The following ASPH variants were observed in gnomAD, a reference collection of about 807,000 sequenced individuals.
ASPH encodes aspartyl/asparaginyl beta-hydroxylase.
Under a neutral mutation model 118.4 loss-of-function variants are expected in ASPH, and 100 were observed. The ratio of observed to expected loss-of-function variants is 0.84; its 90% CI spans 0.72 to 1.00. ASPH has a LOEUF of 1.00. Among genes scored for constraint, ASPH ranks in the 50% least tolerant of loss-of-function variants. The pLI, the probability that ASPH is intolerant of heterozygous loss-of-function variation, is 0.00. For missense variants in ASPH, 920 were observed against 919.5 expected, an observed-to-expected ratio of 1.00 and a Z score of -0.01; for synonymous variants, 315 against 325.6, an observed-to-expected ratio of 0.97 and a Z score of 0.35.
At chr8:61,713,821 A>G (rs1315911145) in intron 1 of ASPH, among the ~76,000 whole-genome samples, 1 of 150,950 alleles carries the variant, frequency 6.6e-6, no homozygotes, top group Non-Finnish European at 1.5e-5. Flanking sequence ...CGGCGCCCCC[A>G]TTTTCACCTC....
At chr8:61,505,157 C>T (rs1805966436) in intron 24 of ASPH, among the ~76,000 whole-genome samples, 1 of 149,228 alleles carries the variant, frequency 6.7e-6, no homozygotes, top group South Asian at 2.1e-4. Flanking sequence ...ATCAGGGGTT[C>T]CCGCTTTTGC....
chr8:61,518,223 A>C, intron 22 of ASPH, 100 bp from the exon 23 acceptor site: 2 of 962,830 alleles, frequency 2.1e-6, no homozygotes, highest in Non-Finnish European at 3.1e-6. Flanking sequence ...CACTGCAGGA[A>C]TGAGAAGATT....
intron 8 of ASPH, 75 bp from the exon 9 acceptor site, chr8:61,643,508 A>G (rs1806298252): frequency 7.2e-7 from 1 of 1,393,018 alleles, no homozygotes. Flanking sequence ...TAGGAGATTC[A>G]TAAATTAATT....
At chr8:61,642,636 C>A (rs540995640) in intron 10 of ASPH, among the ~76,000 whole-genome samples, 1 of 151,980 alleles carries the variant, frequency 6.6e-6, no homozygotes, top group East Asian at 1.9e-4. Context: ...GAGGCCAAGG[C>A]GGGAGGATCA....
intron 15 of ASPH, chr8:61,579,614 G>T: frequency 6.6e-7 from 1 of 1,523,094 alleles, no homozygotes; most frequent in Non-Finnish European, 9.0e-7. Flanking sequence ...TTGTGAAGAA[G>T]ATCGAGACAT....
chr8:61,593,655 G>A (rs1439782723), intron 14 of ASPH, among the ~76,000 whole-genome samples: 1 of 152,104 alleles, frequency 6.6e-6, no homozygotes, highest in Non-Finnish European at 1.5e-5. Flanking sequence ...CCTTCCCATA[G>A]GGTTATTTTT....
chr8:61,608,349 G>C (rs1846213552), intron 14 of ASPH, among the ~76,000 whole-genome samples: 2 of 152,158 alleles, frequency 1.3e-5, no homozygotes. Context: ...TCTCCGCCAA[G>C]ATTCAGGCAG....
At chr8:61,550,442 T>TACACACACACACACACACAC (rs34577657) in intron 20 of ASPH, among the ~76,000 whole-genome samples, 2,088 of 147,634 alleles carry the variant, frequency 0.014, 28 homozygotes, top group East Asian at 0.049. Flanking sequence ...CACATGTACA[T>TACACACACACACACACACAC]ACACACACAC....
chr8:61,548,615 T>A (rs181156417), intron 20 of ASPH, among the ~76,000 whole-genome samples: 13 of 152,342 alleles, frequency 8.5e-5, no homozygotes, highest in Admixed American at 5.2e-4. Context: ...TCAAAGATAT[T>A]TGCATTTACT....
chr8:61,514,835 G>T (rs1810273942), intron 24 of ASPH, among the ~76,000 whole-genome samples: 2 of 152,004 alleles, frequency 1.3e-5, no homozygotes, highest in South Asian at 4.2e-4. Flanking sequence ...CAAAGTTCTG[G>T]GATTATAGGC....
chr8:61,641,868 C>A (rs1449496462), intron 10 of ASPH, among the ~76,000 whole-genome samples: 1 of 152,204 alleles, frequency 6.6e-6, no homozygotes, highest in Non-Finnish European at 1.5e-5. Context: ...TTGCTTTACA[C>A]ATAAAGTTAT....
chr8:61,584,893 T>C (rs1838865559), intron 14 of ASPH, among the ~76,000 whole-genome samples: 1 of 152,158 alleles, frequency 6.6e-6, no homozygotes, highest in African/African-American at 2.4e-5. Context: ...CCTTCAACAA[T>C]AAGTTCAAAA....
At chr8:61,610,255 G>T (rs1372571993) in intron 14 of ASPH, among the ~76,000 whole-genome samples, 1 of 152,196 alleles carries the variant, frequency 6.6e-6, no homozygotes, top group African/African-American at 2.4e-5. Context: ...TTTGACTGAA[G>T]ATGCACTCTG....
At chr8:61,567,388 T>C (rs544318172) in intron 16 of ASPH, 70 bp from the exon 17 acceptor site, 8 of 1,451,368 alleles carry the variant, frequency 5.5e-6, no homozygotes, top group Non-Finnish European at 7.4e-6. Flanking sequence ...AAAATATTCA[T>C]AAAAAGTTAA....
At chr8:61,555,214 A>T (rs1372567987) in intron 19 of ASPH, among the ~76,000 whole-genome samples, 1 of 152,178 alleles carries the variant, frequency 6.6e-6, no homozygotes, top group East Asian at 1.9e-4. Context: ...ATATATAATT[A>T]ACTTGTAAAA....
At chr8:61,616,242 C>T (rs1372579382) in intron 14 of ASPH, among the ~76,000 whole-genome samples, 19 of 152,138 alleles carry the variant, frequency 1.2e-4, no homozygotes, top group Non-Finnish European at 4.4e-5. Context: ...GGATCAGCAT[C>T]CCTGGAGGTC....
chr8:61,610,104 A>G (rs1456862001), intron 14 of ASPH, among the ~76,000 whole-genome samples: 1 of 152,142 alleles, frequency 6.6e-6, no homozygotes, highest in Non-Finnish European at 1.5e-5. Context: ...TTTTTCCTTA[A>G]GAAAAGTATT....
Position 61,714,559 on chromosome 8 carries a change from G to T in ASPH, c.-188C>A. The T allele has an allele frequency of 1.1e-6, 1 of 898,908 alleles. No homozygotes were observed. Among genetic ancestry groups the T allele is most frequent in the Non-Finnish European group, 1.5e-6 (1 of 673,662 alleles). The allele number at this position is 898,908 out of a possible 1,614,324, so 55.7% of individuals were successfully genotyped here. A position where few individuals can be genotyped will look rare whatever the true frequency, so the allele number is the denominator to read the frequency against. ...AAGACTTCACCCGCCTGCCGGCTGCGCGCGCCCGGCCTCGCGTGTACGAAC... is the reference window on the plus strand; with the variant it reads ...AAGACTTCACCCGCCTGCCGGCTGCTCGCGCCCGGCCTCGCGTGTACGAAC... On this transcript the variant is annotated 5_prime_UTR_variant, in exon 1 of 25. Coordinates refer to ENST00000379454, the MANE Select transcript of ASPH (RefSeq NM_004318.4).
chr8:61,540,950 A>G (rs1821647286), intron 21 of ASPH, among the ~76,000 whole-genome samples: 1 of 144,238 alleles, frequency 6.9e-6, no homozygotes, highest in South Asian at 2.1e-4. Flanking sequence ...ATAAGAATTG[A>G]AAAAAAAATT....
Sources: allele counts gnomAD v4.1 joint callset (sites outside exome capture counted in the v4.1 genomes callset), GRCh38; gene constraint gnomAD v4.1.1; transcripts MANE v1.5; gene names NCBI Gene and HGNC (gene_info 2026-07-23, HGNC 2026-07-21).